Variants in KCNIP4 observed in about 807,000 individuals in gnomAD.
KCNIP4 encodes potassium voltage-gated channel interacting protein 4.
A neutral mutation model predicts 34.0 loss-of-function variants in KCNIP4; 12 were observed. The observed-to-expected ratio is 0.35, with a 90% confidence interval of 0.23 to 0.57. KCNIP4 has a LOEUF of 0.57. KCNIP4 is among the 20% of genes least tolerant of loss of function. The pLI is 0.83. For synonymous variants in KCNIP4, 124 were observed against 102.2 expected (o/e 1.21, Z -1.29); for missense variants, 238 against 311.7 (o/e 0.76, Z 1.78).
chr4:20,897,322 T>C (rs1048541679), intron 1 of KCNIP4, among the ~76,000 whole-genome samples: 1 of 151,764 alleles, frequency 6.6e-6, no homozygotes, highest in Non-Finnish European at 1.5e-5. Context: ...GCCTGAAATG[T>C]CTCCTCTCAA....
chr4:21,564,841 C>T (rs1002995165), intron 1 of KCNIP4, among the ~76,000 whole-genome samples: 1 of 150,000 alleles, frequency 6.7e-6, no homozygotes, highest in African/African-American at 2.4e-5. Context: ...AGTGGAGATG[C>T]CAGGTTCTGT....
intron 1 of KCNIP4, among the ~76,000 whole-genome samples, chr4:21,013,661 G>A (rs1252559788): frequency 6.6e-6 from 1 of 152,162 alleles, no homozygotes; most frequent in African/African-American, 2.4e-5. Flanking sequence ...GCTTCTTTGA[G>A]GAGGATTTGT....
intron 1 of KCNIP4, among the ~76,000 whole-genome samples, chr4:21,234,024 TATATATAAC>T (rs1367004618): frequency 3.7e-4 from 36 of 96,570 alleles, no homozygotes; most frequent in Admixed American, 1.6e-3. Context: ...TAACATATAT[TATATATAAC>T]ATATATAACA....
chr4:20,800,189 A>G (rs530718148), intron 3 of KCNIP4, among the ~76,000 whole-genome samples: 25 of 152,326 alleles, frequency 1.6e-4, no homozygotes, highest in African/African-American at 4.8e-4. Context: ...ACTGATCACA[A>G]TTGAAGAAGC....
chr4:21,190,342 T>G (rs1755535080), intron 1 of KCNIP4, among the ~76,000 whole-genome samples: 1 of 152,180 alleles, frequency 6.6e-6, no homozygotes, highest in Admixed American at 6.6e-5. Flanking sequence ...TGGTATTGGT[T>G]AGTATTCATT....
chr4:21,910,118 A>G (rs904836778), intron 1 of KCNIP4, among the ~76,000 whole-genome samples: 8 of 152,064 alleles, frequency 5.3e-5, no homozygotes, highest in Admixed American at 5.2e-4. Context: ...TCATAAGGAG[A>G]ACTCAGAGGA....
intron 1 of KCNIP4, among the ~76,000 whole-genome samples, chr4:20,886,228 T>C (rs1400461665): frequency 6.6e-6 from 1 of 152,166 alleles, no homozygotes; most frequent in Admixed American, 6.5e-5. Flanking sequence ...AGAACTGTGA[T>C]GCTTGAGAGA....
chr4:21,644,866 C>G (rs1477770702), intron 1 of KCNIP4, among the ~76,000 whole-genome samples: 1 of 151,886 alleles, frequency 6.6e-6, no homozygotes, highest in Non-Finnish European at 1.5e-5. Context: ...TATTAAGATT[C>G]TAGGAAAGAA....
intron 3 of KCNIP4, among the ~76,000 whole-genome samples, chr4:20,844,443 A>G (rs1265053852): frequency 6.6e-6 from 1 of 152,164 alleles, no homozygotes; most frequent in Non-Finnish European, 1.5e-5. Flanking sequence ...ACCCTCCTTC[A>G]TGGTTCAAAG....
At chr4:21,291,927 GAAAGAAAGA>G (rs1763538426) in intron 1 of KCNIP4, among the ~76,000 whole-genome samples, 2 of 66,666 alleles carry the variant, frequency 3.0e-5, no homozygotes, top group African/African-American at 1.0e-4. Flanking sequence ...AAGAAAGAAA[GAAAGAAAGA>G]AAAAAAAAGA....
At chr4:21,464,942 A>T (rs1243649746) in intron 1 of KCNIP4, among the ~76,000 whole-genome samples, 2 of 152,048 alleles carry the variant, frequency 1.3e-5, no homozygotes, top group African/African-American at 4.8e-5. Context: ...GCTATTTTTG[A>T]TTCCTCTGAT....
intron 1 of KCNIP4, among the ~76,000 whole-genome samples, chr4:21,830,015 T>G (rs1178564691): frequency 6.6e-6 from 1 of 152,130 alleles, no homozygotes. Context: ...ATTTTGAATT[T>G]AAATGGATTA....
At chr4:21,205,316 A>C (rs1461469845) in intron 1 of KCNIP4, among the ~76,000 whole-genome samples, 11 of 152,194 alleles carry the variant, frequency 7.2e-5, no homozygotes. Flanking sequence ...CTTTTACAAA[A>C]ATTAATATAG....
intron 1 of KCNIP4, among the ~76,000 whole-genome samples, chr4:21,823,239 A>T (rs1347325065): frequency 6.6e-6 from 1 of 152,084 alleles, no homozygotes; most frequent in Non-Finnish European, 1.5e-5. Flanking sequence ...TGCTGACTTC[A>T]TAGAAGGCAT....
At chr4:21,147,415 T>C (rs888398009) in intron 1 of KCNIP4, among the ~76,000 whole-genome samples, 5 of 152,144 alleles carry the variant, frequency 3.3e-5, no homozygotes, top group South Asian at 2.1e-4. Flanking sequence ...ATTACCCAAT[T>C]TGTGTGATCC....
At chr4:20,846,890 G>C (rs1209892359) in intron 3 of KCNIP4, among the ~76,000 whole-genome samples, 1 of 152,098 alleles carries the variant, frequency 6.6e-6, no homozygotes, top group Non-Finnish European at 1.5e-5. Context: ...CTTTTTCCCA[G>C]AGCAATTACA....
At chr4:21,505,326 T>A (rs778157078) in intron 1 of KCNIP4, among the ~76,000 whole-genome samples, 2 of 151,656 alleles carry the variant, frequency 1.3e-5, no homozygotes, top group Non-Finnish European at 2.9e-5. Context: ...TCATACACAA[T>A]CATTTTCTCC....
intron 1 of KCNIP4, among the ~76,000 whole-genome samples, chr4:21,859,130 T>C (rs1724918202): frequency 1.3e-5 from 2 of 152,228 alleles, no homozygotes; most frequent in South Asian, 4.1e-4. Flanking sequence ...AGTAACAAAC[T>C]TCAGCCAAAC....
At chr4:21,507,215 C>A (rs1733919347) in intron 1 of KCNIP4, among the ~76,000 whole-genome samples, 1 of 151,866 alleles carries the variant, frequency 6.6e-6, no homozygotes. Context: ...TAGGCACTCA[C>A]TGGCTGCACA....
Sources: gnomAD v4.1 joint callset for allele counts (sites outside exome capture counted in the v4.1 genomes callset) on GRCh38, gnomAD v4.1.1 for gene constraint, MANE v1.5 for transcripts, NCBI Gene and HGNC (gene_info 2026-07-23, HGNC 2026-07-21) for gene names.